Variants in PPP2R5E observed in about 807,000 individuals in gnomAD.
PPP2R5E encodes protein phosphatase 2 regulatory subunit B'epsilon.
PPP2R5E carries 4 observed loss-of-function variants against 65.3 expected under a neutral mutation model. The ratio of observed to expected loss-of-function variants is 0.06; its 90% confidence interval spans 0.03 to 0.14. The LOEUF (loss-of-function observed/expected upper bound fraction) is 0.14, where lower values mean the gene tolerates loss of function less well. Ranked by LOEUF, PPP2R5E falls within the 10% of genes least tolerant of loss-of-function variation. PPP2R5E has a pLI of 1.00. For missense variants in PPP2R5E, 274 were observed against 556.1 expected (o/e 0.49, Z 5.10); for synonymous variants, 183 against 187.4 (o/e 0.98, Z 0.19).
At chr14:63,483,704 G>A (rs1890826375) in intron 2 of PPP2R5E, among the ~76,000 whole-genome samples, 1 of 152,140 alleles carries the variant, frequency 6.6e-6, no homozygotes, top group South Asian at 2.1e-4. Flanking sequence ...GGCCACGCTA[G>A]AGACAGAGAC....
intron 4 of PPP2R5E, 49 bp from the exon 5 acceptor site, chr14:63,415,281 CA>C (rs763116644): frequency 4.3e-6 from 6 of 1,392,094 alleles, no homozygotes; most frequent in Non-Finnish European, 5.0e-6. Flanking sequence ...TCACTGAGAA[CA>C]GTACTAAAAA....
intron 5 of PPP2R5E, 54 bp from the exon 6 acceptor site, chr14:63,396,770 T>C (rs1240040779): frequency 6.3e-7 from 1 of 1,585,530 alleles, no homozygotes; most frequent in African/African-American, 1.4e-5. Context: ...GAAAAGGATT[T>C]AGGAATTCTA....
chr14:63,531,101 G>A (rs1255780), intron 2 of PPP2R5E, among the ~76,000 whole-genome samples: 23,512 of 152,182 alleles, frequency 0.15, 1,984 homozygotes, highest in African/African-American at 0.22. Context: ...TCGGGAGGCG[G>A]AGGTTGCAGA....
chr14:63,422,729 T>TAA (rs567590182), intron 3 of PPP2R5E, among the ~76,000 whole-genome samples: 1,189 of 88,178 alleles, frequency 0.013, 26 homozygotes, highest in Middle Eastern at 0.022. Flanking sequence ...TCCGTCTATT[T>TAA]AAAAAAAAAA....
chr14:63,392,742 C>T (rs1885098254), intron 8 of PPP2R5E, among the ~76,000 whole-genome samples: 1 of 152,118 alleles, frequency 6.6e-6, no homozygotes. Context: ...AATTTTTCCT[C>T]GAAATAGAGA....
At chr14:63,420,068 T>C (rs1886918561) in intron 4 of PPP2R5E, among the ~76,000 whole-genome samples, 1 of 152,228 alleles carries the variant, frequency 6.6e-6, no homozygotes, top group Non-Finnish European at 1.5e-5. Context: ...TTTATTGTAC[T>C]TTAGGGGAAA....
intron 5 of PPP2R5E, among the ~76,000 whole-genome samples, chr14:63,399,943 G>A (rs1885650004): frequency 6.6e-6 from 1 of 152,088 alleles, no homozygotes; most frequent in South Asian, 2.1e-4. Context: ...GTCAATAATC[G>A]AATGTGCTTT....
intron 2 of PPP2R5E, among the ~76,000 whole-genome samples, chr14:63,478,483 ACAT>A (rs1890518657): frequency 6.6e-6 from 1 of 152,214 alleles, no homozygotes; most frequent in Non-Finnish European, 1.5e-5. Flanking sequence ...ACACTTTTAT[ACAT>A]CTCTTTAACA....
intron 2 of PPP2R5E, among the ~76,000 whole-genome samples, chr14:63,532,388 A>C (rs1203345029): frequency 6.6e-6 from 1 of 152,226 alleles, no homozygotes; most frequent in East Asian, 1.9e-4. Flanking sequence ...AATGCAGTAG[A>C]TGCAACTCTC....
chr14:63,493,734 G>A (rs1195478112), intron 2 of PPP2R5E, among the ~76,000 whole-genome samples: 3 of 152,000 alleles, frequency 2.0e-5, no homozygotes, highest in Admixed American at 6.6e-5. Context: ...AGTACTCTAG[G>A]AATATTAAAC....
chr14:63,382,236 CT>C, intron 12 of PPP2R5E, 79 bp from the exon 13 acceptor site: 2 of 1,090,154 alleles, frequency 1.8e-6, no homozygotes, highest in Non-Finnish European at 2.7e-6. Context: ...AAAAGCACAA[CT>C]TTTGTCTGAA....
Position 63,371,603 on chromosome 14 carries a change from GT to G in PPP2R5E, c.*4405del, listed in dbSNP as rs1228618942. 1.3e-5 allele frequency: 2 copies of G among 152,208 alleles called. No individual in the cohort carries two copies. Among genetic ancestry groups the G allele is most frequent in the African/African-American group, 4.8e-5 (2 of 41,446 alleles). 9.4% of individuals were successfully genotyped at this position (152,208 alleles called of 1,614,324 possible). A position where few individuals can be genotyped will look rare whatever the true frequency, so the allele number is the denominator to read the frequency against. The stretch of plus-strand genomic sequence containing the variant: ...ATGTTTTAGCCAGAGGTGGAAGATT[GT>G]TTTGTGGCATTTTAAGTTTGATGTG... On this transcript the variant is annotated 3_prime_UTR_variant, in exon 14 of 14. Transcript: ENST00000337537.
intron 3 of PPP2R5E, among the ~76,000 whole-genome samples, chr14:63,436,709 C>T (rs925774429): frequency 6.6e-6 from 1 of 152,244 alleles, no homozygotes; most frequent in Non-Finnish European, 1.5e-5. Context: ...GACAGTGACA[C>T]ATAGCTGGCT....
At chr14:63,391,168 T>C (rs562400760) in intron 10 of PPP2R5E, among the ~76,000 whole-genome samples, 1 of 152,248 alleles carries the variant, frequency 6.6e-6, no homozygotes, top group South Asian at 2.1e-4. Context: ...GCTAGACAAC[T>C]GGACACCTGA....
At chr14:63,432,245 C>A (rs1887713898) in intron 3 of PPP2R5E, among the ~76,000 whole-genome samples, 1 of 151,898 alleles carries the variant, frequency 6.6e-6, no homozygotes, top group Non-Finnish European at 1.5e-5. Flanking sequence ...TTTACACAGA[C>A]CAAAAAACAA....
chr14:63,522,692 G>A (rs1174330385), intron 2 of PPP2R5E, among the ~76,000 whole-genome samples: 26 of 151,438 alleles, frequency 1.7e-4, no homozygotes, highest in African/African-American at 3.9e-4. Flanking sequence ...TCTGGGAGGA[G>A]AGGAGCGTCT....
rs546699887 is a variant in PPP2R5E at position 63,463,534 on chromosome 14, T to C, written c.158-9649A>G. ...ATTAGTTCCTCAGTTCCCTGAACTA[T>C]GTTCCCTTATTAATATCCAGTAAGG... On this transcript the variant is annotated intron_variant, in intron 2 of 13. Coordinates refer to ENST00000337537, the MANE Select transcript of PPP2R5E (RefSeq NM_006246.5). 2.0e-5 allele frequency among the ~76,000 whole-genome samples: 3 copies of C among 152,102 alleles called. No individual in the cohort carries two copies. In the East Asian group the frequency reaches 5.8e-4, roughly 29 times the overall value.
chr14:63,374,002 T>C lies in PPP2R5E; in HGVS notation c.*2007A>G, dbSNP rs1290737171. The stretch of plus-strand genomic sequence containing the variant: ...TTACAGTGAATCCCCATCAATGTTC[T>C]TTAAAAAAAAAAAAAAAAAAACTAT... On this transcript the variant is annotated 3_prime_UTR_variant, in exon 14 of 14. Transcript: ENST00000337537. 7.1e-6 allele frequency: 1 copy of C among 140,888 alleles called. No homozygotes were observed. Among genetic ancestry groups the C allele is most frequent in the Non-Finnish European group, 1.5e-5 (1 of 66,582 alleles). 8.7% of individuals were successfully genotyped at this position (140,888 alleles called of 1,614,324 possible).
At chr14:63,461,966 G>A (rs990823322) in intron 2 of PPP2R5E, among the ~76,000 whole-genome samples, 3 of 151,872 alleles carry the variant, frequency 2.0e-5, no homozygotes, top group East Asian at 1.9e-4. Flanking sequence ...TTTTCCAAGG[G>A]CCTGTATTTG....
Sources: allele counts gnomAD v4.1 joint callset (sites outside exome capture counted in the v4.1 genomes callset), GRCh38; gene constraint gnomAD v4.1.1; transcripts MANE v1.5; gene names NCBI Gene and HGNC (gene_info 2026-07-23, HGNC 2026-07-21).